Variants in CDK19 observed in about 807,000 individuals in gnomAD.
CDK19 encodes cyclin dependent kinase 19.
Under a neutral mutation model 68.3 loss-of-function variants are expected in CDK19, and 20 were observed. That is an observed-to-expected ratio of 0.29 (90% CI 0.21 to 0.43). The LOEUF is 0.43. Ranked by LOEUF, CDK19 falls within the 20% of genes least tolerant of loss-of-function variation. CDK19 has a pLI of 1.00. For missense variants in CDK19, 339 were observed against 623.5 expected, an observed-to-expected ratio of 0.54 and a Z score of 4.86; for synonymous variants, 221 against 222.8, an observed-to-expected ratio of 0.99 and a Z score of 0.07.
intron 2 of CDK19, among the ~76,000 whole-genome samples, chr6:110,738,299 C>A (rs1235008249): frequency 6.6e-6 from 1 of 150,774 alleles, no homozygotes; most frequent in African/African-American, 2.4e-5. Context: ...CACTTGAGGT[C>A]AGGAGTTCGA....
At chr6:110,768,729 C>A (rs1359780595) in intron 1 of CDK19, among the ~76,000 whole-genome samples, 1 of 152,042 alleles carries the variant, frequency 6.6e-6, no homozygotes, top group Non-Finnish European at 1.5e-5. Flanking sequence ...GGGAGGGAAC[C>A]AGGGATGAAA....
Position 110,614,561 on chromosome 6 carries a change from G to C in CDK19, c.1483C>G (p.Pro495Ala). The C allele has an allele frequency of 1.9e-6, 3 of 1,614,066 alleles. No individual in the cohort carries two copies. The highest frequency in any genetic ancestry group is 2.5e-6 in the Non-Finnish European group (3 of 1,179,950). The change falls in exon 13 of 13, where the codon CCA (proline) becomes GCA (alanine). Residue 495 changes from proline (P) to alanine (A), a missense_variant. By Grantham distance (27) the Pro-to-Ala change is conservative. This residue lies in a region of CDK19 where 155 missense variants were observed against 222.7 expected (regional missense o/e 0.70). Transcript: ENST00000368911. ...CAGTACCGGTGGGCCTGGTGAGATG[G>C]GTGGTACTGTGAGCTCTGCTGAGAC... Reference protein sequence around the residue: ...SSSQQSSQYHPSHQAHRY With the variant: ...SSSQQSSQYHASHQAHRY
intron 1 of CDK19, 183 bp downstream of exon 1, chr6:110,814,826 G>T: frequency 1.3e-6 from 1 of 792,004 alleles, no homozygotes; most frequent in Non-Finnish European, 2.1e-6. Flanking sequence ...GTACGCGACG[G>T]GGCCGCGCGG....
chr6:110,625,245 T>C (rs186476417), intron 8 of CDK19, among the ~76,000 whole-genome samples: 2 of 152,266 alleles, frequency 1.3e-5, no homozygotes, highest in East Asian at 3.9e-4. Flanking sequence ...TCTACATTTT[T>C]AACAAGGTCT....
chr6:110,810,023 A>C (rs1224263086), intron 1 of CDK19, among the ~76,000 whole-genome samples: 1 of 152,218 alleles, frequency 6.6e-6, no homozygotes, highest in Non-Finnish European at 1.5e-5. Flanking sequence ...GGGGGAGGGA[A>C]GAATGGCACA....
Position 110,623,360 on chromosome 6 carries a change from T to C in CDK19, c.863A>G (p.Tyr288Cys), listed in dbSNP as rs1778834465. The change falls in exon 9 of 13, where the codon TAT (tyrosine) becomes TGT (cysteine). Residue 288 changes from tyrosine to cysteine, a missense_variant and splice_region_variant. Physicochemically the swap from Tyr to Cys is radical, Grantham distance 194. Coordinates refer to ENST00000368911, the MANE Select transcript of CDK19 (RefSeq NM_015076.5). ...GTACTTTATGAGGCTACTGTTGGCA[T>C]ACCTGCAAGGACACGCACAGTCACA... ...TLQKDFRRTTYANSSLIKYME... is the reference protein window; with the variant it reads ...TLQKDFRRTTCANSSLIKYME... 2 of 1,613,606 alleles carry C rather than the reference T, an allele frequency of 1.2e-6. No homozygotes were observed. The highest frequency in any genetic ancestry group is 1.1e-5 in the South Asian group (1 of 91,008).
intron 2 of CDK19, among the ~76,000 whole-genome samples, chr6:110,741,122 G>C (rs1196767771): frequency 1.3e-5 from 2 of 151,978 alleles, no homozygotes; most frequent in African/African-American, 4.8e-5. Flanking sequence ...GCTGCAATAA[G>C]AGAAGAGAGA....
chr6:110,661,967 T>G (rs1781643816), intron 4 of CDK19, among the ~76,000 whole-genome samples: 1 of 141,104 alleles, frequency 7.1e-6, no homozygotes, highest in African/African-American at 2.8e-5. Flanking sequence ...TATTTATTTG[T>G]ATTTTTATTT....
chr6:110,688,116 T>C (rs780180914), intron 2 of CDK19, among the ~76,000 whole-genome samples: 3 of 152,140 alleles, frequency 2.0e-5, no homozygotes, highest in Non-Finnish European at 4.4e-5. Context: ...CCGGGCATGG[T>C]GGCTCATGCC....
At chr6:110,799,005 G>A (rs971297810) in intron 1 of CDK19, among the ~76,000 whole-genome samples, 2 of 151,710 alleles carry the variant, frequency 1.3e-5, no homozygotes, top group African/African-American at 4.8e-5. Flanking sequence ...TCAACCAGGC[G>A]TGGTAGTGGG....
At chr6:110,781,248 G>C (rs1406672358) in intron 1 of CDK19, among the ~76,000 whole-genome samples, 1 of 152,162 alleles carries the variant, frequency 6.6e-6, no homozygotes, top group Non-Finnish European at 1.5e-5. Flanking sequence ...AGGGGAAGGG[G>C]AGCCAGTGTG....
At chr6:110,648,538 C>CTTTTTTTTTTTTTTTTTT in intron 4 of CDK19, among the ~76,000 whole-genome samples, 1 of 120,218 alleles carries the variant, frequency 8.3e-6, no homozygotes, top group Admixed American at 8.4e-5. Context: ...TTTTTCTTTT[C>CTTTTTTTTTTTTTTTTTT]TTTTTTTTTT....
chr6:110,770,764 C>T lies in CDK19; in HGVS notation c.129-24563G>A, dbSNP rs577178148. Among the ~76,000 whole-genome samples, 8 of 152,244 alleles carry T rather than the reference C, an allele frequency of 5.3e-5. No individual in the cohort carries two copies. In the South Asian group the frequency reaches 1.7e-3, roughly 32 times the overall value. On this transcript the variant is annotated intron_variant, in intron 1 of 12. Coordinates refer to ENST00000368911, the MANE Select transcript of CDK19 (RefSeq NM_015076.5). Reference sequence around the variant, plus strand: ...CCTTCCACCTATGAGCCTGTAAAATCAAAAGCAAGCTAGTCACTTCCTAGA... The same window carrying T: ...CCTTCCACCTATGAGCCTGTAAAATTAAAAGCAAGCTAGTCACTTCCTAGA...
chr6:110,755,747 T>G (rs1436722258), intron 1 of CDK19, among the ~76,000 whole-genome samples: 2 of 152,212 alleles, frequency 1.3e-5, no homozygotes, highest in Non-Finnish European at 2.9e-5. Context: ...GCACTTTTCC[T>G]GTACTATCGA....
At chr6:110,814,767 C>T in intron 1 of CDK19, 2 of 662,004 alleles carry the variant, frequency 3.0e-6, no homozygotes, top group South Asian at 1.5e-5. Context: ...GGGCGCCCCT[C>T]TGGGACGGGA....
At chr6:110,811,250 A>G (rs757997820) in intron 1 of CDK19, among the ~76,000 whole-genome samples, 3 of 152,242 alleles carry the variant, frequency 2.0e-5, no homozygotes, top group Non-Finnish European at 4.4e-5. Context: ...AAAACCCATC[A>G]AACACAGGCA....
intron 4 of CDK19, chr6:110,645,909 G>A: frequency 1.2e-6 from 1 of 865,800 alleles, no homozygotes; most frequent in Non-Finnish European, 1.8e-6. Context: ...CCTGCGAACT[G>A]TGCCGGGACA....
intron 1 of CDK19, among the ~76,000 whole-genome samples, chr6:110,811,186 G>GT (rs1406144171): frequency 6.6e-6 from 1 of 152,194 alleles, no homozygotes; most frequent in East Asian, 1.9e-4. Context: ...TTAATCTTCT[G>GT]TAAGTGTCCA....
chr6:110,691,811 C>T (rs1773018243), intron 2 of CDK19, among the ~76,000 whole-genome samples: 2 of 150,652 alleles, frequency 1.3e-5, no homozygotes, highest in African/African-American at 2.4e-5. Flanking sequence ...CGATGCCGGG[C>T]TTATTTTTGT....
Sources: gnomAD v4.1 joint callset for allele counts (sites outside exome capture counted in the v4.1 genomes callset) on GRCh38, gnomAD v4.1.1 for gene constraint, gnomAD v4.1.1 regional missense constraint, MANE v1.5 for transcripts, NCBI Gene and HGNC (gene_info 2026-07-23, HGNC 2026-07-21) for gene names.